CTNNA2: variants seen among roughly 807,000 people sequenced by gnomAD.
CTNNA2 encodes the protein catenin alpha-2.
In CTNNA2, 42 loss-of-function variants were observed where a neutral mutation model predicts 101.0. That is an observed-to-expected ratio of 0.42 (90% CI 0.32 to 0.54). The LOEUF is 0.54. Among genes scored for constraint, CTNNA2 ranks in the 20% least tolerant of loss-of-function variants. CTNNA2 has a pLI of 0.14. For missense variants in CTNNA2, 871 were observed against 1,223.1 expected (o/e 0.71, Z 4.29); for synonymous variants, 450 against 456.4 (o/e 0.99, Z 0.18).
chr2:79,991,359 C>T (rs1054200611), intron 7 of CTNNA2, among the ~76,000 whole-genome samples: 4 of 151,902 alleles, frequency 2.6e-5, no homozygotes, highest in Non-Finnish European at 5.9e-5. Flanking sequence ...CCACCTCCCC[C>T]TTTTTTTTCC....
chr2:79,310,555 T>C (rs1414461891), intron 2 of CTNNA2, among the ~76,000 whole-genome samples: 4 of 152,216 alleles, frequency 2.6e-5, no homozygotes. Context: ...CATGCACTTA[T>C]TGGGTGTTGT....
intron 1 of CTNNA2, among the ~76,000 whole-genome samples, chr2:79,536,482 T>C (rs1673068150): frequency 6.6e-6 from 1 of 152,034 alleles, no homozygotes; most frequent in Non-Finnish European, 1.5e-5. Context: ...ATTGCGAAAC[T>C]GTGGCTTAAA....
intron 7 of CTNNA2, among the ~76,000 whole-genome samples, chr2:80,138,516 G>A (rs1345344034): frequency 6.6e-6 from 1 of 152,094 alleles, no homozygotes; most frequent in East Asian, 1.9e-4. Context: ...ACTGGGTTTT[G>A]TACCCCCTAC....
chr2:79,845,162 A>C (rs1680134881), intron 3 of CTNNA2, among the ~76,000 whole-genome samples: 2 of 128,650 alleles, frequency 1.6e-5, no homozygotes, highest in Admixed American at 9.1e-5. Context: ...CAACTCCCTA[A>C]ACACAGCTGC....
chr2:80,077,336 T>A (rs1005825658), intron 7 of CTNNA2, among the ~76,000 whole-genome samples: 1 of 152,164 alleles, frequency 6.6e-6, no homozygotes, highest in East Asian at 1.9e-4. Context: ...TTGTGGCACC[T>A]TTATTCATAA....
chr2:80,357,738 G>T (rs1225684458), intron 7 of CTNNA2, among the ~76,000 whole-genome samples: 2 of 152,098 alleles, frequency 1.3e-5, no homozygotes, highest in East Asian at 3.9e-4. Context: ...ACAAGGTCAG[G>T]GTTCCTGGTT....
intron 7 of CTNNA2, among the ~76,000 whole-genome samples, chr2:80,068,580 G>A (rs192721151): frequency 6.6e-6 from 1 of 152,314 alleles, no homozygotes; most frequent in Admixed American, 6.5e-5. Context: ...GATGCTGAAA[G>A]CCCAAGTATG....
chr2:79,524,451 C>CA (rs1215186039), intron 1 of CTNNA2, among the ~76,000 whole-genome samples: 1 of 150,822 alleles, frequency 6.6e-6, no homozygotes, highest in African/African-American at 2.4e-5. Context: ...CTTATTGGTC[C>CA]AAAAAAACGT....
chr2:79,283,371 C>G (rs1339345917), intron 2 of CTNNA2, among the ~76,000 whole-genome samples: 1 of 98,410 alleles, frequency 1.0e-5, no homozygotes, highest in African/African-American at 3.1e-5. Context: ...AGGTTTTCTT[C>G]TAGGGTTTTT....
chr2:79,353,021 G>A (rs1277408646), intron 3 of CTNNA2, among the ~76,000 whole-genome samples: 1 of 152,120 alleles, frequency 6.6e-6, no homozygotes, highest in Non-Finnish European at 1.5e-5. Context: ...TCATGAGGCA[G>A]CACTAGGGAG....
At chr2:80,115,432 A>T (rs1302497049) in intron 7 of CTNNA2, among the ~76,000 whole-genome samples, 2 of 152,148 alleles carry the variant, frequency 1.3e-5, no homozygotes, top group Non-Finnish European at 2.9e-5. Context: ...TAGACAGTAC[A>T]CTCCATCTTC....
intron 2 of CTNNA2, among the ~76,000 whole-genome samples, chr2:79,690,234 A>G (rs1182335878): frequency 6.6e-6 from 1 of 152,078 alleles, no homozygotes; most frequent in South Asian, 2.1e-4. Context: ...GATTAAAGTG[A>G]TAGAGATGTC....
chr2:80,067,708 G>A (rs1033044658), intron 7 of CTNNA2, among the ~76,000 whole-genome samples: 2 of 152,146 alleles, frequency 1.3e-5, no homozygotes, highest in South Asian at 2.1e-4. Flanking sequence ...TGGAGGCTAG[G>A]TCATAAAAGA....
chr2:79,981,069 G>C (rs1031790319), intron 7 of CTNNA2, among the ~76,000 whole-genome samples: 4 of 151,978 alleles, frequency 2.6e-5, no homozygotes, highest in African/African-American at 9.7e-5. Context: ...TCTGAAAGAT[G>C]TTTTGTCATT....
chr2:79,821,328 C>T (rs1677984968), intron 3 of CTNNA2, among the ~76,000 whole-genome samples: 1 of 152,112 alleles, frequency 6.6e-6, no homozygotes, highest in Non-Finnish European at 1.5e-5. Context: ...CTTGTCTCAG[C>T]CTCCCAAGTA....
chr2:80,570,047 C>T (rs143573876), intron 12 of CTNNA2, among the ~76,000 whole-genome samples: 16 of 151,842 alleles, frequency 1.1e-4, no homozygotes, highest in African/African-American at 3.6e-4. Context: ...GTTTTTATGT[C>T]TCATCACTCT....
intron 1 of CTNNA2, among the ~76,000 whole-genome samples, chr2:79,600,031 T>G (rs1052540309): frequency 5.3e-5 from 8 of 152,198 alleles, no homozygotes; most frequent in Admixed American, 3.3e-4. Context: ...AAAGACAGAT[T>G]AGGCTAATTT....
chr2:80,064,340 C>T (rs1048745860), intron 7 of CTNNA2, among the ~76,000 whole-genome samples: 2 of 152,164 alleles, frequency 1.3e-5, no homozygotes, highest in Non-Finnish European at 2.9e-5. Context: ...TGACAAGGCC[C>T]CAGATGATTC....
chr2:79,535,550 T>C (rs1673005366), intron 1 of CTNNA2, among the ~76,000 whole-genome samples: 1 of 152,144 alleles, frequency 6.6e-6, no homozygotes, highest in African/African-American at 2.4e-5. Context: ...GAAATTATTA[T>C]AAGTAGAATG....
Sources: gnomAD v4.1 joint callset for allele counts (sites outside exome capture counted in the v4.1 genomes callset) on GRCh38, gnomAD v4.1.1 for gene constraint, MANE v1.5 for transcripts, NCBI Gene and HGNC (gene_info 2026-07-23, HGNC 2026-07-21) for gene names.